Variants in SHISA9 observed in about 807,000 individuals in gnomAD.
SHISA9 encodes shisa family member 9, also known as protein shisa-9.
In SHISA9, 13 loss-of-function variants were observed where a neutral mutation model predicts 38.0. The observed-to-expected ratio is 0.34, with a 90% confidence interval of 0.22 to 0.54. The LOEUF (loss-of-function observed/expected upper bound fraction) is 0.54. Ranked by LOEUF, SHISA9 falls within the 20% of genes least tolerant of loss-of-function variation. SHISA9 has a pLI of 0.91. For synonymous variants in SHISA9, 275 were observed against 242.0 expected, an observed-to-expected ratio of 1.14 and a Z score of -1.27; for missense variants, 538 against 575.8, an observed-to-expected ratio of 0.93 and a Z score of 0.67.
Position 13,077,967 on chromosome 16 carries a change from G to A in SHISA9, c.692-125427G>A, listed in dbSNP as rs191652476. On this transcript the variant is annotated intron_variant, in intron 2 of 4. Transcript: ENST00000558583. ...AAATATGGCAAACAAGTAAAAAGAA[G>A]GCAAGGAGGACAAACAGAAGCTCAA... Among the ~76,000 whole-genome samples the A allele has an allele frequency of 8.5e-5, 13 of 152,262 alleles. No individual in the cohort carries two copies. The East Asian group carries it at 1.9e-3, about 23-fold the overall frequency.
chr16:13,300,360 C>T, the SHISA9 span, among the ~76,000 whole-genome samples: 1 of 152,112 alleles, frequency 6.6e-6, no homozygotes, highest in South Asian at 2.1e-4. Flanking sequence ...TGTAACCCTG[C>T]TTCTCCTCAT....
chr16:12,926,980 C>T (rs1234167024), intron 2 of SHISA9, among the ~76,000 whole-genome samples: 3 of 152,118 alleles, frequency 2.0e-5, no homozygotes, highest in Admixed American at 6.5e-5. Context: ...AATGCCAGGT[C>T]GGCCATGGGA....
chr16:12,936,110 G>T (rs184921452), intron 2 of SHISA9, among the ~76,000 whole-genome samples: 21 of 152,206 alleles, frequency 1.4e-4, no homozygotes, highest in Admixed American at 5.2e-4. Context: ...TAGATGCATC[G>T]TCTGATGTCC....
At chr16:13,550,850 G>A in the SHISA9 span, among the ~76,000 whole-genome samples, 1 of 151,854 alleles carries the variant, frequency 6.6e-6, no homozygotes, top group Non-Finnish European at 1.5e-5. Flanking sequence ...CAGGCCAGGT[G>A]CAGTGGCTCA....
At chr16:13,066,171 T>C (rs1463644893) in intron 2 of SHISA9, among the ~76,000 whole-genome samples, 2 of 152,182 alleles carry the variant, frequency 1.3e-5, no homozygotes, top group Non-Finnish European at 2.9e-5. Flanking sequence ...GGAAGATGCA[T>C]GGAGATGGCA....
chr16:13,420,245 C>CAGAAAAAAA, the SHISA9 span, among the ~76,000 whole-genome samples: 11 of 50,386 alleles, frequency 2.2e-4, no homozygotes, highest in Non-Finnish European at 2.0e-4. Flanking sequence ...GAATCTGTTT[C>CAGAAAAAAA]AAAAAAAAAA....
At chr16:13,431,689 C>T in the SHISA9 span, among the ~76,000 whole-genome samples, 1 of 152,198 alleles carries the variant, frequency 6.6e-6, no homozygotes, top group Non-Finnish European at 1.5e-5. Context: ...TGACTCAGCT[C>T]CCTGCCTTCT....
intron 2 of SHISA9, among the ~76,000 whole-genome samples, chr16:12,994,103 C>G (rs527838215): frequency 1.3e-5 from 2 of 152,290 alleles, no homozygotes; most frequent in African/African-American, 4.8e-5. Flanking sequence ...GAATTTGGGT[C>G]TTTCCTGAGT....
At chr16:12,970,346 T>TATATATATATACAC in intron 2 of SHISA9, among the ~76,000 whole-genome samples, 1 of 67,860 alleles carries the variant, frequency 1.5e-5, no homozygotes, top group South Asian at 3.6e-4. Flanking sequence ...TATATATACA[T>TATATATATATACAC]ATATGTGTAT....
At chr16:13,366,399 A>C in the SHISA9 span, among the ~76,000 whole-genome samples, 1 of 152,238 alleles carries the variant, frequency 6.6e-6, no homozygotes, top group Non-Finnish European at 1.5e-5. Flanking sequence ...ATATATTTCA[A>C]ACTTTATTGT....
At chr16:13,291,624 G>C in the SHISA9 span, among the ~76,000 whole-genome samples, 1 of 152,116 alleles carries the variant, frequency 6.6e-6, no homozygotes, top group Non-Finnish European at 1.5e-5. Context: ...ATATGCATGC[G>C]TGTATGTTCT....
the SHISA9 span, chr16:13,331,790 G>A: frequency 4.6e-5 from 7 of 152,088 alleles, no homozygotes; most frequent in East Asian, 1.9e-4. Context: ...TCACTTAAGC[G>A]CTCTAGTCCT....
intron 2 of SHISA9, among the ~76,000 whole-genome samples, chr16:13,118,931 C>T (rs962014855): frequency 6.6e-6 from 1 of 152,002 alleles, no homozygotes; most frequent in African/African-American, 2.4e-5. Context: ...GGGGTTTCTC[C>T]TTGTTGGCCA....
chr16:13,357,205 G>A, the SHISA9 span, among the ~76,000 whole-genome samples: 2 of 152,186 alleles, frequency 1.3e-5, no homozygotes, highest in Non-Finnish European at 2.9e-5. Flanking sequence ...GGGGGTTCTT[G>A]CCCCCTAGGA....
At chr16:13,050,533 T>C (rs929930331) in intron 2 of SHISA9, among the ~76,000 whole-genome samples, 1 of 152,216 alleles carries the variant, frequency 6.6e-6, no homozygotes, top group Admixed American at 6.5e-5. Flanking sequence ...GGTTTCATCA[T>C]GTTGCCCAGG....
chr16:13,439,173 C>G, the SHISA9 span, among the ~76,000 whole-genome samples: 1 of 152,310 alleles, frequency 6.6e-6, no homozygotes, highest in East Asian at 1.9e-4. Context: ...TATGTCTCCT[C>G]TTTTCCCCTA....
intron 2 of SHISA9, among the ~76,000 whole-genome samples, chr16:13,109,680 A>G (rs2073959291): frequency 6.6e-6 from 1 of 152,182 alleles, no homozygotes; most frequent in Non-Finnish European, 1.5e-5. Context: ...GCCTGTTCTC[A>G]TCCCTAACCT....
At chr16:13,471,204 C>A in the SHISA9 span, among the ~76,000 whole-genome samples, 3 of 152,056 alleles carry the variant, frequency 2.0e-5, no homozygotes, top group African/African-American at 7.2e-5. Context: ...ACAACACACC[C>A]TTAATATGGG....
the SHISA9 span, among the ~76,000 whole-genome samples, chr16:13,489,411 A>T: frequency 6.6e-5 from 10 of 152,086 alleles, no homozygotes; most frequent in East Asian, 1.9e-3. Flanking sequence ...GTGTGTGTAT[A>T]TATTTTTTTT....
Sources: gnomAD v4.1 joint callset for allele counts (sites outside exome capture counted in the v4.1 genomes callset) on GRCh38, gnomAD v4.1.1 for gene constraint, MANE v1.5 for transcripts, NCBI Gene and HGNC (gene_info 2026-07-23, HGNC 2026-07-21) for gene names.